DAB1: variants seen among roughly 807,000 people sequenced by gnomAD.
DAB1 encodes the protein disabled homolog 1.
A neutral mutation model predicts 64.6 loss-of-function variants in DAB1; 15 were observed. The ratio of observed to expected loss-of-function variants is 0.23; its 90% CI spans 0.16 to 0.36. The LOEUF is 0.36. Among genes scored for constraint, DAB1 ranks in the 10% least tolerant of loss-of-function variants. DAB1 has a pLI of 1.00. For synonymous variants in DAB1, 235 were observed against 251.9 expected (o/e 0.93, Z 0.64); for missense variants, 596 against 706.7 (o/e 0.84, Z 1.78).
chr1:57,439,622 G>GC lies in DAB1; in HGVS notation n.626-148457_626-148456insG, dbSNP rs1553182028. Among the ~76,000 whole-genome samples the GC allele has an allele frequency of 3.2e-4, 38 of 119,798 alleles. 1 individual carries two copies. The highest frequency in any genetic ancestry group is 1.3e-3 in the African/African-American group (37 of 28,484). 78.6% of individuals were successfully genotyped at this position (119,798 alleles called of 152,430 possible). A position where few individuals can be genotyped will look rare whatever the true frequency, so the allele number is the denominator to read the frequency against. ...TTTTTGTATTTTTAGTAGAGACGGG[G>GC]TTCACCATGTTAGCCAGGATGGTCT... On this transcript the variant is annotated intron_variant and non_coding_transcript_variant, in intron 7 of 20. Coordinates refer to the DAB1 transcript ENST00000485760.
intron 2 of DAB1, among the ~76,000 whole-genome samples, chr1:57,153,786 C>T (rs1269484720): frequency 1.3e-5 from 2 of 151,960 alleles, no homozygotes; most frequent in Non-Finnish European, 2.9e-5. Flanking sequence ...TACAGGCGAC[C>T]GCCACCACAC....
At chr1:58,534,659 G>C (rs988588946) in intron 1 of DAB1, among the ~76,000 whole-genome samples, 1 of 152,202 alleles carries the variant, frequency 6.6e-6, no homozygotes, top group Non-Finnish European at 1.5e-5. Context: ...CTAGGCCAGG[G>C]CAAGATGGCT....
chr1:58,291,635 G>T (rs1661839929), intron 4 of DAB1, among the ~76,000 whole-genome samples: 1 of 152,200 alleles, frequency 6.6e-6, no homozygotes. Flanking sequence ...AACACTTACT[G>T]AATGTTTACT....
intron 6 of DAB1, among the ~76,000 whole-genome samples, chr1:57,682,291 C>A (rs1646645368): frequency 6.7e-6 from 1 of 150,002 alleles, no homozygotes; most frequent in African/African-American, 2.5e-5. Flanking sequence ...AATATGATTG[C>A]AAAGAAAACA....
rs138768444 is a variant in DAB1 at position 57,713,250 on chromosome 1, A to T, written n.552-63585T>A. On this transcript the variant is annotated intron_variant and non_coding_transcript_variant, in intron 6 of 20. Coordinates refer to the DAB1 transcript ENST00000485760. ...AGATCTCAGCTCAAGAACCATGCCCAGTAGGCAACATAACCTAAGGATGAA... is the reference window on the plus strand; with the variant it reads ...AGATCTCAGCTCAAGAACCATGCCCTGTAGGCAACATAACCTAAGGATGAA... 2.0e-5 allele frequency among the ~76,000 whole-genome samples: 3 copies of T among 152,334 alleles called. No homozygotes were observed. In the East Asian group the frequency reaches 5.8e-4, roughly 29 times the overall value.
intron 2 of DAB1, among the ~76,000 whole-genome samples, chr1:58,523,074 T>C (rs1457496215): frequency 6.6e-6 from 1 of 152,222 alleles, no homozygotes; most frequent in African/African-American, 2.4e-5. Flanking sequence ...GTCAATTTGT[T>C]TTCTGGCACT....
intron 2 of DAB1, among the ~76,000 whole-genome samples, chr1:57,233,866 G>A (rs1667890953): frequency 6.6e-6 from 1 of 152,140 alleles, no homozygotes; most frequent in African/African-American, 2.4e-5. Context: ...TGAGTGGGGA[G>A]GTAGGGCACT....
At chr1:58,039,782 C>T (rs1345998776) in intron 5 of DAB1, among the ~76,000 whole-genome samples, 1 of 152,100 alleles carries the variant, frequency 6.6e-6, no homozygotes, top group African/African-American at 2.4e-5. Context: ...TCCCATTTTT[C>T]TCTTCTTTCT....
At chr1:57,077,408 A>G (rs567074187) in intron 4 of DAB1, among the ~76,000 whole-genome samples, 1 of 152,292 alleles carries the variant, frequency 6.6e-6, no homozygotes. Flanking sequence ...AGGAAGAAAG[A>G]AAGGAAGTAC....
chr1:58,304,263 T>G (rs2100466225), intron 4 of DAB1, among the ~76,000 whole-genome samples: 1 of 152,240 alleles, frequency 6.6e-6, no homozygotes, highest in South Asian at 2.1e-4. Context: ...CTGGTCATGG[T>G]TTTACCTGCT....
intron 2 of DAB1, among the ~76,000 whole-genome samples, chr1:57,180,677 C>T (rs544548168): frequency 1.3e-5 from 2 of 152,024 alleles, no homozygotes; most frequent in Non-Finnish European, 2.9e-5. Flanking sequence ...GACTCCCCCC[C>T]ACAACAAACA....
chr1:57,139,610 G>A (rs544580870), intron 3 of DAB1, among the ~76,000 whole-genome samples: 194 of 152,182 alleles, frequency 1.3e-3, no homozygotes, highest in African/African-American at 4.5e-3. Flanking sequence ...GACAGGGTGG[G>A]GATAGGGCTA....
chr1:57,643,785 C>T (rs535095078), intron 7 of DAB1, among the ~76,000 whole-genome samples: 195 of 152,324 alleles, frequency 1.3e-3, no homozygotes, highest in African/African-American at 4.5e-3. Context: ...TGGAACTTCC[C>T]TAACCTAGGC....
At position 58,437,742 on chromosome 1, in the gene DAB1, T is replaced by G. The variant is rs973875313; in HGVS notation, n.257+68318A>C. 2.6e-5 allele frequency among the ~76,000 whole-genome samples: 4 copies of G among 152,312 alleles called. No individual in the cohort carries two copies. The South Asian group carries it at 6.2e-4, about 24-fold the overall frequency. ...TATAGCATTAAAAAAGATACAAATG[T>G]TGTGGGCCTGCCGCACCCTAACACA... On this transcript the variant is annotated intron_variant and non_coding_transcript_variant, in intron 3 of 20. Transcript: ENST00000485760.
intron 1 of DAB1, among the ~76,000 whole-genome samples, chr1:57,357,845 G>A (rs1420190776): frequency 6.6e-6 from 1 of 151,740 alleles, no homozygotes; most frequent in Non-Finnish European, 1.5e-5. Context: ...ACTGCATGGG[G>A]GTAACCATCC....
chr1:58,012,592 G>A (rs904623344), intron 5 of DAB1, among the ~76,000 whole-genome samples: 1 of 152,152 alleles, frequency 6.6e-6, no homozygotes, highest in Non-Finnish European at 1.5e-5. Context: ...GAGGTGATAA[G>A]GCAATGAGGA....
At chr1:57,749,146 A>G (rs1381130672) in intron 6 of DAB1, among the ~76,000 whole-genome samples, 3 of 152,138 alleles carry the variant, frequency 2.0e-5, no homozygotes, top group African/African-American at 7.2e-5. Context: ...TACGGGATGG[A>G]GTGGAAGTGA....
At chr1:58,050,553 G>A (rs1469118734) in intron 5 of DAB1, among the ~76,000 whole-genome samples, 1 of 151,988 alleles carries the variant, frequency 6.6e-6, no homozygotes, top group East Asian at 1.9e-4. Flanking sequence ...TTATGGAGAT[G>A]CAGTCTTGCT....
At chr1:58,378,009 A>G (rs1485746070) in intron 3 of DAB1, among the ~76,000 whole-genome samples, 27 of 140,988 alleles carry the variant, frequency 1.9e-4, no homozygotes, top group Admixed American at 2.1e-4. Context: ...CATAGTTCTC[A>G]AGCCTTGGTT....
Sources: allele counts gnomAD v4.1 joint callset (sites outside exome capture counted in the v4.1 genomes callset), GRCh38; gene constraint gnomAD v4.1.1; transcripts MANE v1.5; gene names NCBI Gene and HGNC (gene_info 2026-07-23, HGNC 2026-07-21).